Variants in TLL2 observed in about 807,000 individuals in gnomAD.
TLL2 encodes tolloid-like protein 2.
A neutral mutation model predicts 123.0 loss-of-function variants in TLL2; 106 were observed. That is an observed-to-expected ratio of 0.86 (90% CI 0.74 to 1.01). The LOEUF (loss-of-function observed/expected upper bound fraction) is 1.01, where lower values mean the gene tolerates loss of function less well. Among genes scored for constraint, TLL2 ranks in the 50% least tolerant of loss-of-function variants. TLL2 has a pLI of 0.00. For synonymous variants in TLL2, 494 were observed against 516.8 expected (o/e 0.96, Z 0.60); for missense variants, 1,332 against 1,336.7 (o/e 1.00, Z 0.06).
At chr10:96,500,127 GA>G (rs1185265303) in intron 1 of TLL2, among the ~76,000 whole-genome samples, 6 of 86,968 alleles carry the variant, frequency 6.9e-5, no homozygotes, top group Admixed American at 2.7e-4. Flanking sequence ...AAAAGAAAAA[GA>G]AAAAAAAATC....
intron 10 of TLL2, among the ~76,000 whole-genome samples, chr10:96,399,237 G>A (rs1412447434): frequency 6.6e-6 from 1 of 152,114 alleles, no homozygotes; most frequent in Non-Finnish European, 1.5e-5. Flanking sequence ...CCATTGACTG[G>A]TATACTTTAA....
intron 1 of TLL2, among the ~76,000 whole-genome samples, chr10:96,502,262 T>C (rs1335218586): frequency 6.6e-6 from 1 of 152,196 alleles, no homozygotes; most frequent in Non-Finnish European, 1.5e-5. Flanking sequence ...GCCTGCTGAT[T>C]GCTCTTATCC....
intron 3 of TLL2, among the ~76,000 whole-genome samples, chr10:96,444,445 G>A (rs904556926): frequency 1.3e-5 from 2 of 152,162 alleles, no homozygotes; most frequent in African/African-American, 4.8e-5. Context: ...GTGCCCATGA[G>A]GTATTGATGA....
chr10:96,406,585 G>C (rs941155060), intron 9 of TLL2, among the ~76,000 whole-genome samples: 3 of 152,200 alleles, frequency 2.0e-5, no homozygotes, highest in African/African-American at 7.2e-5. Flanking sequence ...AGGCTGGAAG[G>C]CTTCCTCAAA....
intron 9 of TLL2, among the ~76,000 whole-genome samples, chr10:96,409,641 CACCCTTGG>C (rs1198510339): frequency 6.6e-6 from 1 of 152,144 alleles, no homozygotes; most frequent in Admixed American, 6.5e-5. Flanking sequence ...GAAAACATAC[CACCCTTGG>C]ACCAGAGTGA....
intron 1 of TLL2, among the ~76,000 whole-genome samples, chr10:96,484,899 T>C (rs971571009): frequency 6.6e-6 from 1 of 152,198 alleles, no homozygotes; most frequent in African/African-American, 2.4e-5. Flanking sequence ...AGGTCAAATA[T>C]AGCTTTCGAA....
intron 4 of TLL2, among the ~76,000 whole-genome samples, chr10:96,429,691 G>C (rs1846718134): frequency 1.3e-5 from 2 of 152,318 alleles, no homozygotes; most frequent in South Asian, 4.1e-4. Context: ...AGACCTGTAG[G>C]GGGGTGCTCC....
At chr10:96,404,375 C>A (rs1173787826) in intron 10 of TLL2, among the ~76,000 whole-genome samples, 1 of 152,058 alleles carries the variant, frequency 6.6e-6, no homozygotes, top group African/African-American at 2.4e-5. Context: ...TTCATCTCAC[C>A]AAAACAATAC....
chr10:96,410,287 C>T, intron 9 of TLL2, 72 bp downstream of exon 9: 6 of 1,105,068 alleles, frequency 5.4e-6, no homozygotes, highest in Non-Finnish European at 6.7e-6. Flanking sequence ...TTACTATTAA[C>T]AATAAGAACT....
At chr10:96,476,216 TTATATG>T (rs1396839373) in intron 2 of TLL2, among the ~76,000 whole-genome samples, 8 of 33,354 alleles carry the variant, frequency 2.4e-4, no homozygotes, top group African/African-American at 7.0e-4. Context: ...CTTTTTAATT[TTATATG>T]TATATATATA....
Position 96,384,747 on chromosome 10 carries a change from T to C in TLL2, c.2034A>G (p.Val678=), listed in dbSNP as rs780112086. 2.5e-6 allele frequency: 4 copies of C among 1,596,332 alleles called. No homozygotes were observed. The highest frequency in any genetic ancestry group is 3.4e-6 in the Non-Finnish European group (4 of 1,167,686). The change falls in exon 16 of 21, where the codon GTA becomes GTG. Residue 678 remains valine (V), a synonymous_variant. Coordinates refer to ENST00000357947, the MANE Select transcript of TLL2 (RefSeq NM_012465.4). The part of the protein sequence containing the change: ...EGNDVCKYDF[V]EVRSGLSPDA... ...CGGGGGACAGGCCGCTGCGCACCTC[T>C]ACAAAGTCGTACTTACAGACCTGCA...
chr10:96,393,020 C>A (rs1023436900), intron 13 of TLL2, among the ~76,000 whole-genome samples: 1 of 152,202 alleles, frequency 6.6e-6, no homozygotes, highest in East Asian at 1.9e-4. Flanking sequence ...ATGAGAATGA[C>A]ACACTGGCCA....
At chr10:96,454,374 C>T (rs1205454367) in intron 2 of TLL2, among the ~76,000 whole-genome samples, 1 of 152,206 alleles carries the variant, frequency 6.6e-6, no homozygotes, top group Non-Finnish European at 1.5e-5. Flanking sequence ...CAGGCAGAGG[C>T]CCTCATGCAA....
chr10:96,486,993 C>G (rs1010764462), intron 1 of TLL2, among the ~76,000 whole-genome samples: 1 of 152,214 alleles, frequency 6.6e-6, no homozygotes, highest in Non-Finnish European at 1.5e-5. Flanking sequence ...AAATCCTTTA[C>G]GAAGGCACTT....
intron 14 of TLL2, among the ~76,000 whole-genome samples, chr10:96,386,462 A>T (rs1374962792): frequency 6.6e-6 from 1 of 152,244 alleles, no homozygotes; most frequent in African/African-American, 2.4e-5. Flanking sequence ...CCTTTCACCC[A>T]GTGGCAGAGC....
chr10:96,472,767 GA>G (rs1263417227), intron 2 of TLL2, among the ~76,000 whole-genome samples: 5 of 151,584 alleles, frequency 3.3e-5, no homozygotes, highest in African/African-American at 4.8e-5. Flanking sequence ...AAGAAAAAAA[GA>G]AAAAAAAGCT....
intron 9 of TLL2, among the ~76,000 whole-genome samples, chr10:96,408,672 T>C (rs1846472568): frequency 6.6e-6 from 1 of 152,228 alleles, no homozygotes; most frequent in Non-Finnish European, 1.5e-5. Flanking sequence ...ACTTAATGTC[T>C]TAAATGCTTA....
chr10:96,387,737 G>A (rs1424175131), intron 13 of TLL2, among the ~76,000 whole-genome samples: 1 of 152,172 alleles, frequency 6.6e-6, no homozygotes. Flanking sequence ...AGGGCCTAGT[G>A]ATGCGTTTGG....
intron 1 of TLL2, among the ~76,000 whole-genome samples, chr10:96,509,304 A>G (rs1306791162): frequency 6.6e-6 from 1 of 152,168 alleles, no homozygotes; most frequent in African/African-American, 2.4e-5. Flanking sequence ...AACATAATAA[A>G]ACAGAGGTTG....
Sources: allele counts gnomAD v4.1 joint callset (sites outside exome capture counted in the v4.1 genomes callset), GRCh38; gene constraint gnomAD v4.1.1; transcripts MANE v1.5; gene names NCBI Gene and HGNC (gene_info 2026-07-23, HGNC 2026-07-21).